Variants in ZNF207 observed in about 807,000 individuals in gnomAD.
ZNF207 encodes the protein BUB3-interacting and GLEBS motif-containing protein ZNF207.
In ZNF207, 24 loss-of-function variants were observed where a neutral mutation model predicts 60.2. The ratio of observed to expected loss-of-function variants is 0.40; its 90% confidence interval spans 0.29 to 0.56. The LOEUF (loss-of-function observed/expected upper bound fraction) is 0.56. Among genes scored for constraint, ZNF207 ranks in the 20% least tolerant of loss-of-function variants. The pLI is 0.49. For missense variants in ZNF207, 452 were observed against 636.6 expected (o/e 0.71, Z 3.12); for synonymous variants, 236 against 194.7 (o/e 1.21, Z -1.77).
At chr17:32,361,003 G>A in intron 5 of ZNF207, 36 bp downstream of exon 5, 1 of 1,595,070 alleles carries the variant, frequency 6.3e-7, no homozygotes, top group Non-Finnish European at 8.6e-7. Context: ...GTAGGCTTGT[G>A]CCTAGTAATG....
intron 3 of ZNF207, among the ~76,000 whole-genome samples, chr17:32,359,619 T>G (rs1481931239): frequency 6.6e-6 from 1 of 151,672 alleles, no homozygotes; most frequent in Non-Finnish European, 1.5e-5. Context: ...AATTTAATGG[T>G]AGGGTAGTTG....
chr17:32,352,416 T>C (rs1452239906), intron 2 of ZNF207, among the ~76,000 whole-genome samples: 1 of 152,118 alleles, frequency 6.6e-6, no homozygotes, highest in Non-Finnish European at 1.5e-5. Flanking sequence ...CAAAACTGGC[T>C]TTTTATGTTT....
In ZNF207 at chr17:32,366,649, T is replaced by A; in HGVS notation, c.829-16T>A. On this transcript the variant is annotated splice_polypyrimidine_tract_variant and intron_variant, in intron 8 of 11. Transcript: ENST00000394670. Reference sequence around the variant, plus strand: ...GTTTGGAGACTTTTCATTGTTTCCTTTCTTTTATGCTACAGATGGGGACAC... The same window carrying A: ...GTTTGGAGACTTTTCATTGTTTCCTATCTTTTATGCTACAGATGGGGACAC... 6.3e-7 allele frequency: 1 copy of A among 1,583,950 alleles called. No individual in the cohort carries two copies.
intron 1 of ZNF207, among the ~76,000 whole-genome samples, chr17:32,350,720 A>G (rs1158131685): frequency 3.3e-5 from 5 of 152,066 alleles, no homozygotes; most frequent in Admixed American, 6.5e-5. Flanking sequence ...GGTTGGGGAC[A>G]GCTTCACAGT....
chr17:32,362,354 T>C (rs919357920), intron 6 of ZNF207, among the ~76,000 whole-genome samples: 1 of 152,154 alleles, frequency 6.6e-6, no homozygotes, highest in Non-Finnish European at 1.5e-5. Flanking sequence ...TAAAAAGTTA[T>C]GGTCTCACTT....
chr17:32,378,871 A>G lies in ZNF207; in HGVS notation c.*9112A>G, dbSNP rs1905776207. ...CGCAAGCCTGAACCATCCTAATCTGATAGTAGGATGTATGGCTTCTTCCTT... is the reference window on the plus strand; with the variant it reads ...CGCAAGCCTGAACCATCCTAATCTGGTAGTAGGATGTATGGCTTCTTCCTT... On this transcript the variant is annotated 3_prime_UTR_variant, in exon 12 of 12. Transcript: ENST00000394670. 1 of 152,148 alleles carries G rather than the reference A, an allele frequency of 6.6e-6. No homozygotes were observed. The highest frequency in any genetic ancestry group is 2.4e-5 in the African/African-American group (1 of 41,556). The allele number at this position is 152,148 out of a possible 1,614,324, so 9.4% of individuals were successfully genotyped here.
intron 7 of ZNF207, 151 bp from the exon 8 acceptor site, chr17:32,365,179 T>G: frequency 1.2e-6 from 1 of 808,702 alleles, no homozygotes; most frequent in Non-Finnish European, 1.9e-6. Context: ...AAATTTAAGG[T>G]AAGAATGTTG....
At chr17:32,356,674 GAGCATGCATT>G (rs1400819963) in intron 2 of ZNF207, among the ~76,000 whole-genome samples, 1 of 152,156 alleles carries the variant, frequency 6.6e-6, no homozygotes, top group African/African-American at 2.4e-5. Flanking sequence ...TCTCAAACTT[GAGCATGCATT>G]AGCATTTCCA....
intron 6 of ZNF207, among the ~76,000 whole-genome samples, chr17:32,362,217 G>A (rs1234557467): frequency 6.6e-6 from 1 of 151,902 alleles, no homozygotes; most frequent in African/African-American, 2.4e-5. Flanking sequence ...GTGCAGTGGC[G>A]CAGTCACAGC....
rs1029414687 is a variant in ZNF207 at position 32,362,206 on chromosome 17, A to G, written c.599+691A>G. ...TCTCTTACTCTGTCGCCCAGACTACAGTGCAGTGGCGCAGTCACAGCTTAC... is the reference window on the plus strand; with the variant it reads ...TCTCTTACTCTGTCGCCCAGACTACGGTGCAGTGGCGCAGTCACAGCTTAC... On this transcript the variant is annotated intron_variant, in intron 6 of 11. Transcript: ENST00000394670. 3.3e-5 allele frequency among the ~76,000 whole-genome samples: 5 copies of G among 151,934 alleles called. No individual in the cohort carries two copies. In the East Asian group the frequency reaches 9.7e-4, roughly 29 times the overall value.
In ZNF207 at chr17:32,350,281, C is replaced by G; in HGVS notation, c.-5C>G. On this transcript the variant is annotated 5_prime_UTR_variant, in exon 1 of 12. Transcript: ENST00000394670. ...TCCCTTTTACTTTGCCGGTAGAACA[C>G]AGTTATGGGTCGCAAGAAGAAGAAG... 6.2e-7 allele frequency: 1 copy of G among 1,614,078 alleles called. No individual in the cohort carries two copies. Among genetic ancestry groups the G allele is most frequent in the Non-Finnish European group, 8.5e-7 (1 of 1,180,012 alleles).
At chr17:32,363,685 C>T (rs928299108) in intron 7 of ZNF207, among the ~76,000 whole-genome samples, 1 of 151,812 alleles carries the variant, frequency 6.6e-6, no homozygotes, top group South Asian at 2.1e-4. Flanking sequence ...GCGCCCACTA[C>T]CACGCCTGGC....
Position 32,378,635 on chromosome 17 carries a change from G to GT in ZNF207, c.*8877dup, listed in dbSNP as rs961893264. 91 of 152,002 alleles carry GT rather than the reference G, an allele frequency of 6.0e-4. No homozygotes were observed. Among genetic ancestry groups the GT allele is most frequent in the African/African-American group, 2.0e-3 (82 of 41,496 alleles). 9.4% of individuals were successfully genotyped at this position (152,002 alleles called of 1,614,324 possible). On this transcript the variant is annotated 3_prime_UTR_variant, in exon 12 of 12. Coordinates refer to ENST00000394670, the MANE Select transcript of ZNF207 (RefSeq NM_001098507.2). ...CAAGAAATGTAGCTAGATTCTTTAT[G>GT]TAACACTTTTGAGGGGCAGTGGGGA...
At chr17:32,362,534 AAT>A (rs1230814668) in intron 6 of ZNF207, among the ~76,000 whole-genome samples, 3 of 152,184 alleles carry the variant, frequency 2.0e-5, no homozygotes, top group Admixed American at 6.5e-5. Flanking sequence ...ACAACTCTGA[AAT>A]AGAGATTTCT....
At chr17:32,362,847 C>G in intron 6 of ZNF207, 67 bp from the exon 7 acceptor site, 2 of 1,431,222 alleles carry the variant, frequency 1.4e-6, no homozygotes, top group Admixed American at 3.6e-5. Flanking sequence ...AGGCTTTAGC[C>G]AGAATATTTT....
intron 1 of ZNF207, chr17:32,351,537 C>T: frequency 6.6e-7 from 1 of 1,519,888 alleles, no homozygotes; most frequent in Non-Finnish European, 8.8e-7. Flanking sequence ...AGGAATTTGA[C>T]AAAGTATATT....
intron 9 of ZNF207, among the ~76,000 whole-genome samples, chr17:32,367,342 A>G (rs1449821321): frequency 2.8e-5 from 4 of 144,374 alleles, no homozygotes; most frequent in African/African-American, 1.0e-4. Context: ...TGTTCATGTT[A>G]TAGTTAGTAA....
rs1471523398 is a variant in ZNF207 at position 32,379,452 on chromosome 17, C to T, written c.*9693C>T. 6.6e-6 allele frequency: 1 copy of T among 152,058 alleles called. No homozygotes were observed. Among genetic ancestry groups the T allele is most frequent in the Non-Finnish European group, 1.5e-5 (1 of 67,952 alleles). 9.4% of individuals were successfully genotyped at this position (152,058 alleles called of 1,614,324 possible). ...AAAACTTTGAACACATAAATTATTT[C>T]ATTTTGGTGAGATGGAATAAATGTT... is the stretch of plus-strand genomic sequence containing the variant. On this transcript the variant is annotated 3_prime_UTR_variant, in exon 12 of 12. Coordinates refer to ENST00000394670, the MANE Select transcript of ZNF207 (RefSeq NM_001098507.2).
In ZNF207 at chr17:32,373,743, A is replaced by G. The variant is rs1041231519; in HGVS notation, c.*3984A>G. 3 of 261,050 alleles carry G rather than the reference A, an allele frequency of 1.1e-5. No homozygotes were observed. Among genetic ancestry groups the G allele is most frequent in the Non-Finnish European group, 2.1e-5 (3 of 141,016 alleles). 16.2% of individuals were successfully genotyped at this position (261,050 alleles called of 1,614,324 possible). A position where few individuals can be genotyped will look rare whatever the true frequency, so the allele number is the denominator to read the frequency against. On this transcript the variant is annotated 3_prime_UTR_variant, in exon 12 of 12. Transcript: ENST00000394670. The stretch of plus-strand genomic sequence containing the variant: ...ATATTGAACTTCAATAAATTGACAA[A>G]ATTTGATATTTTTGATTGGAGGCAA...
Sources: gnomAD v4.1 joint callset for allele counts (sites outside exome capture counted in the v4.1 genomes callset) on GRCh38, gnomAD v4.1.1 for gene constraint, MANE v1.5 for transcripts, NCBI Gene and HGNC (gene_info 2026-07-23, HGNC 2026-07-21) for gene names.